WNK2: variants seen among roughly 807,000 people sequenced by gnomAD.
WNK2 encodes WNK lysine deficient protein kinase 2, also known as serine/threonine-protein kinase WNK2.
Under a neutral mutation model 192.1 loss-of-function variants are expected in WNK2, and 67 were observed. The observed-to-expected ratio is 0.35, with a 90% CI of 0.29 to 0.43. The LOEUF (loss-of-function observed/expected upper bound fraction) is 0.43. Among genes scored for constraint, WNK2 ranks in the 20% least tolerant of loss-of-function variants. WNK2 has a pLI of 1.00. For missense variants in WNK2, 2,698 were observed against 3,089.7 expected (o/e 0.87, Z 3.01); for synonymous variants, 1,439 against 1,393.9 (o/e 1.03, Z -0.72).
chr9:93,240,941 C>T (rs367565568), intron 7 of WNK2, among the ~76,000 whole-genome samples: 1 of 152,240 alleles, frequency 6.6e-6, no homozygotes, highest in African/African-American at 2.4e-5. Flanking sequence ...CAGGACGTTT[C>T]TGGCCTGGAA....
intron 2 of WNK2, among the ~76,000 whole-genome samples, chr9:93,223,832 C>T (rs1014921976): frequency 6.6e-6 from 1 of 152,214 alleles, no homozygotes; most frequent in Non-Finnish European, 1.5e-5. Flanking sequence ...TGGGGACACC[C>T]TCCCGGGGGT....
intron 5 of WNK2, among the ~76,000 whole-genome samples, chr9:93,235,442 C>G (rs565130141): frequency 6.6e-6 from 1 of 152,388 alleles, no homozygotes; most frequent in Non-Finnish European, 1.5e-5. Flanking sequence ...CCAAGTGTGT[C>G]TCTAGGCAGT....
intron 8 of WNK2, among the ~76,000 whole-genome samples, chr9:93,252,207 C>G (rs1003009924): frequency 1.6e-4 from 25 of 152,178 alleles, no homozygotes; most frequent in Admixed American, 7.2e-4. Context: ...CCCGTGGGCT[C>G]TGGGGTCCTG....
At chr9:93,272,663 G>A (rs112607465) in intron 19 of WNK2, among the ~76,000 whole-genome samples, 102 of 148,138 alleles carry the variant, frequency 6.9e-4, no homozygotes, top group African/African-American at 2.3e-3. Flanking sequence ...ACTTGAACCC[G>A]AGAGGCGGCA....
intron 2 of WNK2, among the ~76,000 whole-genome samples, chr9:93,204,753 G>A (rs1457714966): frequency 1.3e-5 from 2 of 152,188 alleles, no homozygotes; most frequent in Non-Finnish European, 2.9e-5. Flanking sequence ...GCACTGTTTG[G>A]GGCTCAGGGA....
At chr9:93,248,770 CTG>C (rs1842139481) in intron 8 of WNK2, among the ~76,000 whole-genome samples, 1 of 152,222 alleles carries the variant, frequency 6.6e-6, no homozygotes, top group African/African-American at 2.4e-5. Flanking sequence ...AAGTTTCTGT[CTG>C]TGCCCTCAAC....
intron 21 of WNK2, among the ~76,000 whole-genome samples, chr9:93,291,355 C>T (rs1849314797): frequency 6.6e-6 from 1 of 152,180 alleles, no homozygotes; most frequent in Non-Finnish European, 1.5e-5. Context: ...ATACTCTTTC[C>T]AGAGTGTGGA....
At chr9:93,216,338 TTAAAAG>T (rs1306890467) in intron 2 of WNK2, among the ~76,000 whole-genome samples, 1 of 152,072 alleles carries the variant, frequency 6.6e-6, no homozygotes, top group South Asian at 2.1e-4. Context: ...AGCAGTCACT[TTAAAAG>T]TATAAAAGGA....
At position 93,261,839 on chromosome 9, in the gene WNK2, A is replaced by T. The variant is rs1407241127; in HGVS notation, c.3092A>T (p.Tyr1031Phe). Reference protein sequence around the residue: ...SQILLGHPAPYAVDVAAQVPT... With the variant: ...SQILLGHPAPFAVDVAAQVPT... Reference sequence around the variant, plus strand: ...ATTCTGCTTGGCCACCCAGCTCCCTATGCTGTGGACGTCGCCGCTCAGGTC... The same window carrying T: ...ATTCTGCTTGGCCACCCAGCTCCCTTTGCTGTGGACGTCGCCGCTCAGGTC... Residue 1031 changes from tyrosine (Y) to phenylalanine (F), a missense_variant, in exon 13 of 30, where the codon TAT (tyrosine) becomes TTT (phenylalanine). Tyr to Phe is a conservative substitution (Grantham distance 22). Coordinates refer to ENST00000427277, the MANE Select transcript of WNK2 (RefSeq NM_006648.4). The T allele has an allele frequency of 6.3e-7, 1 of 1,596,774 alleles. No homozygotes were observed. The highest frequency in any genetic ancestry group is 1.7e-5 in the Admixed American group (1 of 59,880).
chr9:93,317,687 C>T lies in WNK2; in HGVS notation c.6628+56C>T, dbSNP rs1027751629. On this transcript the variant is annotated intron_variant, in intron 29 of 29. Coordinates refer to ENST00000427277, the MANE Select transcript of WNK2 (RefSeq NM_006648.4). ...CCTGTGCGCTGCCTCTGGGTCAGTA[C>T]AGAGGCCTGCTCCCAGCTCCAGTGT... 2.5e-6 allele frequency: 4 copies of T among 1,573,810 alleles called. No homozygotes were observed. The African/African-American group carries it at 5.4e-5, about 21-fold the overall frequency.
chr9:93,262,088 C>G lies in WNK2; in HGVS notation c.3341C>G (p.Thr1114Arg). 6.2e-7 allele frequency: 1 copy of G among 1,601,400 alleles called. No individual in the cohort carries two copies. Among genetic ancestry groups the G allele is most frequent in the Non-Finnish European group, 8.5e-7 (1 of 1,171,954 alleles). ...AGCCCTTGCCCAACTGTCCAGCTGA[C>G]GGTGGAACCAGTCCAAGAGGTGTGT... is the stretch of plus-strand genomic sequence containing the variant. The part of the protein sequence containing the change: ...IASPCPTVQL[T>R]VEPVQEEQAS... The change falls in exon 13 of 30, where the codon ACG (threonine) becomes AGG (arginine). Residue 1114 changes from threonine to arginine, a missense_variant. Thr to Arg is a moderately conservative substitution (Grantham distance 71). Transcript: ENST00000427277.
intron 19 of WNK2, among the ~76,000 whole-genome samples, chr9:93,271,437 T>C (rs1296277810): frequency 6.6e-6 from 1 of 152,228 alleles, no homozygotes; most frequent in African/African-American, 2.4e-5. Context: ...GACAAGACGA[T>C]GTAGATTTTG....
Position 93,299,120 on chromosome 9 carries a change from G to A in WNK2, c.5974G>A (p.Ala1992Thr), listed in dbSNP as rs1263237347. ...RGPPAKDPAQASVGLTADSTG... is the reference protein window; with the variant it reads ...RGPPAKDPAQTSVGLTADSTG... ...CCCTCCCGCTAAGGACCCTGCCCAA[G>A]CCAGTGTGGGGCTCACTGCAGACAG... The change falls in exon 25 of 30, where the codon GCC becomes ACC. Residue 1992 changes from alanine to threonine, a missense_variant. Around this residue, in one of 7 missense-constraint regions of WNK2, gnomAD observed 1,098 missense variants for 1,101.0 expected, o/e 1.00. Transcript: ENST00000427277. The A allele has an allele frequency of 1.2e-6, 2 of 1,611,790 alleles. No individual in the cohort carries two copies. The highest frequency in any genetic ancestry group is 1.3e-5 in the African/African-American group (1 of 74,920).
chr9:93,241,424 G>C (rs1236091196), intron 7 of WNK2, among the ~76,000 whole-genome samples: 1 of 152,200 alleles, frequency 6.6e-6, no homozygotes, highest in African/African-American at 2.4e-5. Context: ...CCACAGAGGT[G>C]CTCGCTGTTT....
At chr9:93,315,351 C>T (rs1358472910) in intron 28 of WNK2, 2 of 152,222 alleles carry the variant, frequency 1.3e-5, no homozygotes, top group African/African-American at 4.8e-5. Flanking sequence ...TGTTAACCAC[C>T]CGTCCTCTGC....
At chr9:93,241,342 G>T (rs139006269) in intron 7 of WNK2, among the ~76,000 whole-genome samples, 2 of 152,248 alleles carry the variant, frequency 1.3e-5, no homozygotes, top group Admixed American at 1.3e-4. Context: ...AGAAAGTTGC[G>T]CATTTGCAGT....
At chr9:93,235,809 G>C (rs879791303) in intron 5 of WNK2, among the ~76,000 whole-genome samples, 6 of 152,324 alleles carry the variant, frequency 3.9e-5, no homozygotes, top group Admixed American at 3.9e-4. Context: ...GCTGCTCTGC[G>C]GGGCCATGGC....
chr9:93,315,232 A>G (rs1319444434), intron 28 of WNK2, among the ~76,000 whole-genome samples: 1 of 152,218 alleles, frequency 6.6e-6, no homozygotes, highest in Admixed American at 6.5e-5. Flanking sequence ...TGTGGGCGCA[A>G]TGGGTTTGGC....
In WNK2 at chr9:93,256,488, C is replaced by T. The variant is rs568878811; in HGVS notation, c.2190+34C>T. ...GGCACCTCCTGTGGCCACTGTCCCT[C>T]CAGGCAGGCAGTCACCTGTGCTGGC... On this transcript the variant is annotated intron_variant, in intron 10 of 29. Transcript: ENST00000427277. 192 of 1,490,290 alleles carry T rather than the reference C, an allele frequency of 1.3e-4. No homozygotes were observed. The African/African-American group carries it at 2.3e-3, about 18-fold the overall frequency. The allele number at this position is 1,490,290 out of a possible 1,614,324, so 92.3% of individuals were successfully genotyped here.
Sources: allele counts gnomAD v4.1 joint callset (sites outside exome capture counted in the v4.1 genomes callset), GRCh38; gene constraint gnomAD v4.1.1; regional missense constraint gnomAD v4.1.1; transcripts MANE v1.5; gene names NCBI Gene and HGNC (gene_info 2026-07-23, HGNC 2026-07-21).